The following FNDC3A variants were observed in gnomAD, a reference collection of about 807,000 sequenced individuals.
FNDC3A encodes the protein fibronectin type III domain containing 3A.
A neutral mutation model predicts 148.9 loss-of-function variants in FNDC3A; 32 were observed. The observed-to-expected ratio is 0.21, with a 90% CI of 0.16 to 0.29. The LOEUF is 0.29. FNDC3A is among the 10% of genes least tolerant of loss of function. The pLI is 1.00. For missense variants in FNDC3A, 1,191 were observed against 1,452.8 expected, an observed-to-expected ratio of 0.82 and a Z score of 2.93; for synonymous variants, 472 against 473.6, an observed-to-expected ratio of 1.00 and a Z score of 0.04.
intron 3 of FNDC3A, among the ~76,000 whole-genome samples, chr13:49,090,986 T>A (rs1290651103): frequency 6.6e-6 from 1 of 152,192 alleles, no homozygotes; most frequent in Non-Finnish European, 1.5e-5. Context: ...ATAGCAAGAC[T>A]CTGTCTCAAA....
chr13:49,129,462 G>T (rs1365437860), intron 4 of FNDC3A, among the ~76,000 whole-genome samples: 1 of 152,148 alleles, frequency 6.6e-6, no homozygotes, highest in Non-Finnish European at 1.5e-5. Flanking sequence ...GAGTGATAAA[G>T]GTGAAATGAG....
chr13:49,056,619 A>G (rs1400789037), intron 2 of FNDC3A, among the ~76,000 whole-genome samples: 2 of 151,814 alleles, frequency 1.3e-5, no homozygotes, highest in Admixed American at 6.6e-5. Context: ...CTGTATCTCA[A>G]CTTCCTTTCT....
At chr13:49,011,151 G>GC (rs1270062006) in intron 2 of FNDC3A, among the ~76,000 whole-genome samples, 1 of 151,774 alleles carries the variant, frequency 6.6e-6, no homozygotes, top group Non-Finnish European at 1.5e-5. Flanking sequence ...ATATATTCTG[G>GC]CCAAAAGTTC....
intron 4 of FNDC3A, among the ~76,000 whole-genome samples, chr13:49,130,203 G>T (rs781328367): frequency 6.6e-6 from 1 of 151,164 alleles, no homozygotes; most frequent in Non-Finnish European, 1.5e-5. Flanking sequence ...TATCCCCACG[G>T]TGTAATTCCT....
chr13:49,144,020 CTACTACTACTACTAA>C (rs1377798910), intron 7 of FNDC3A, among the ~76,000 whole-genome samples: 1 of 148,092 alleles, frequency 6.8e-6, no homozygotes, highest in Non-Finnish European at 1.5e-5. Context: ...ACTGCTACTA[CTACTACTACTACTAA>C]TAATAATAAT....
At chr13:49,190,800 C>G (rs1815973004) in intron 17 of FNDC3A, among the ~76,000 whole-genome samples, 1 of 152,142 alleles carries the variant, frequency 6.6e-6, no homozygotes, top group South Asian at 2.1e-4. Flanking sequence ...AGTAGTTGCA[C>G]AGTACATGTC....
chr13:49,127,882 C>CT (rs557919596), intron 4 of FNDC3A, among the ~76,000 whole-genome samples: 4,673 of 147,638 alleles, frequency 0.032, 98 homozygotes, highest in Non-Finnish European at 0.049. Context: ...TGTTTCTCTA[C>CT]TTTTTTTTTT....
rs574557069 is a variant in FNDC3A at position 49,168,955 on chromosome 13, T to C, written c.1176+204T>C. On this transcript the variant is annotated intron_variant, in intron 10 of 25. Transcript: ENST00000492622. ...CTATATGTAAATATAGCAAAAACGA[T>C]TTGTAATTAACAGTCCTTATTACAT... 2.4e-4 allele frequency among the ~76,000 whole-genome samples: 37 copies of C among 152,344 alleles called. No individual in the cohort carries two copies. In the South Asian group the frequency reaches 7.0e-3, roughly 29 times the overall value.
intron 2 of FNDC3A, among the ~76,000 whole-genome samples, chr13:49,049,808 C>T (rs189623817): frequency 6.4e-4 from 98 of 152,194 alleles, no homozygotes; most frequent in African/African-American, 2.0e-3. Context: ...CATCCTCTGC[C>T]TCCCATGTTC....
intron 2 of FNDC3A, among the ~76,000 whole-genome samples, chr13:49,031,306 C>T (rs915685767): frequency 2.7e-5 from 4 of 150,650 alleles, no homozygotes; most frequent in Admixed American, 6.6e-5. Context: ...CGCTTGAACC[C>T]GGGAAGCAGA....
chr13:48,983,978 CA>C (rs897594196), intron 1 of FNDC3A, among the ~76,000 whole-genome samples: 1 of 151,572 alleles, frequency 6.6e-6, no homozygotes, highest in African/African-American at 2.4e-5. Flanking sequence ...ATACAAATAG[CA>C]AAAAAATATG....
chr13:49,085,370 T>C (rs144013878), intron 3 of FNDC3A, among the ~76,000 whole-genome samples: 1 of 152,206 alleles, frequency 6.6e-6, no homozygotes, highest in Non-Finnish European at 1.5e-5. Flanking sequence ...TAAATCCTTA[T>C]GCCCATAAGA....
rs1882006121 is a variant in FNDC3A at position 49,131,155 on chromosome 13, G to A, written c.271G>A (p.Val91Ile). ...YAPQVIEDNG[V>I]RRVVVVPQAP... ...TTTGTAGGTTATTGAAGACAATGGT[G>A]TTCGAAGAGTTGTCGTGGTCCCTCA... The change falls in exon 5 of 26, where the codon GTT becomes ATT. Residue 91 changes from valine to isoleucine, a missense_variant. Val to Ile is a conservative substitution (Grantham distance 29). Around this residue, in one of 3 missense-constraint regions of FNDC3A, gnomAD observed 426 missense variants for 473.2 expected, o/e 0.90. Transcript: ENST00000492622. 5 of 1,612,794 alleles carry A rather than the reference G, an allele frequency of 3.1e-6. No individual in the cohort carries two copies. Among genetic ancestry groups the A allele is most frequent in the Non-Finnish European group, 3.4e-6 (4 of 1,178,806 alleles).
chr13:49,128,130 T>G (rs1881813134), intron 4 of FNDC3A, among the ~76,000 whole-genome samples: 1 of 152,160 alleles, frequency 6.6e-6, no homozygotes, highest in African/African-American at 2.4e-5. Flanking sequence ...TCCACCCACC[T>G]CGGCCTCCCA....
intron 2 of FNDC3A, among the ~76,000 whole-genome samples, chr13:49,032,288 T>G (rs955613719): frequency 6.6e-6 from 1 of 152,086 alleles, no homozygotes; most frequent in African/African-American, 2.4e-5. Flanking sequence ...CACTCCTAGG[T>G]ATATATCCAA....
At chr13:49,008,941 T>TAAC (rs1952279640) in intron 2 of FNDC3A, among the ~76,000 whole-genome samples, 1 of 151,824 alleles carries the variant, frequency 6.6e-6, no homozygotes, top group African/African-American at 2.4e-5. Context: ...CTTCATTTAT[T>TAAC]AGTGTGATAT....
At chr13:49,163,952 A>T (rs1025552468) in intron 8 of FNDC3A, among the ~76,000 whole-genome samples, 12 of 151,630 alleles carry the variant, frequency 7.9e-5, no homozygotes, top group Non-Finnish European at 1.0e-4. Flanking sequence ...TTTCTTCCTC[A>T]TTTGTGTGCT....
At chr13:49,159,723 T>A (rs1309847316) in intron 8 of FNDC3A, among the ~76,000 whole-genome samples, 3 of 152,182 alleles carry the variant, frequency 2.0e-5, no homozygotes, top group Admixed American at 6.5e-5. Context: ...GCTTCCAGTT[T>A]TTGCCCATTC....
chr13:49,201,047 C>A (rs1225779911), intron 23 of FNDC3A: 1 of 160,722 alleles, frequency 6.2e-6, no homozygotes. Flanking sequence ...TTAAATATTT[C>A]TTTATTTTTA....
Sources: allele counts gnomAD v4.1 joint callset (sites outside exome capture counted in the v4.1 genomes callset), GRCh38; gene constraint gnomAD v4.1.1; regional missense constraint gnomAD v4.1.1; transcripts MANE v1.5; gene names NCBI Gene and HGNC (gene_info 2026-07-23, HGNC 2026-07-21).